Variants in ATG10 observed in about 807,000 individuals in gnomAD.
ATG10 encodes autophagy related 10, also known as ubiquitin-like-conjugating enzyme ATG10.
Under a neutral mutation model 32.1 loss-of-function variants are expected in ATG10, and 30 were observed. The observed-to-expected ratio is 0.94, with a 90% CI of 0.70 to 1.27. The LOEUF is 1.27. Among genes scored for constraint, ATG10 ranks in the 50% most tolerant of loss-of-function variants. The pLI, the probability that ATG10 is intolerant of heterozygous loss-of-function variation, is 0.00. For missense variants in ATG10, 233 were observed against 262.3 expected (o/e 0.89, Z 0.77); for synonymous variants, 87 against 91.5 (o/e 0.95, Z 0.28).
At chr5:82,165,548 G>A (rs912079398) in intron 4 of ATG10, among the ~76,000 whole-genome samples, 1 of 152,168 alleles carries the variant, frequency 6.6e-6, no homozygotes, top group African/African-American at 2.4e-5. Context: ...CTGGTGAGAA[G>A]ATTTTAATCT....
chr5:82,228,828 A>T (rs1026785455), intron 5 of ATG10, among the ~76,000 whole-genome samples: 5 of 152,228 alleles, frequency 3.3e-5, no homozygotes, highest in Non-Finnish European at 5.9e-5. Flanking sequence ...TAAAACACTG[A>T]TTTACAGGAG....
chr5:82,022,095 A>G (rs1015986835), intron 2 of ATG10, among the ~76,000 whole-genome samples: 2 of 150,200 alleles, frequency 1.3e-5, no homozygotes, highest in African/African-American at 4.9e-5. Flanking sequence ...AGGCTGAGGC[A>G]GGAGAATTAC....
At chr5:82,202,260 T>A (rs1221669689) in intron 5 of ATG10, among the ~76,000 whole-genome samples, 2 of 152,192 alleles carry the variant, frequency 1.3e-5, no homozygotes, top group African/African-American at 4.8e-5. Flanking sequence ...AAGGTATTTT[T>A]AAAATTAGAT....
intron 3 of ATG10, among the ~76,000 whole-genome samples, chr5:82,112,087 A>G (rs530714393): frequency 6.6e-6 from 1 of 152,042 alleles, no homozygotes; most frequent in South Asian, 2.1e-4. Flanking sequence ...AAGTAGTTAC[A>G]TATGTTGGGT....
At chr5:82,204,371 A>G (rs1745200072) in intron 5 of ATG10, among the ~76,000 whole-genome samples, 1 of 152,248 alleles carries the variant, frequency 6.6e-6, no homozygotes, top group African/African-American at 2.4e-5. Flanking sequence ...TATTACTTCC[A>G]TATTAGATGA....
At chr5:81,993,339 C>CT (rs1761526084) in intron 2 of ATG10, among the ~76,000 whole-genome samples, 1 of 34,796 alleles carries the variant, frequency 2.9e-5, no homozygotes, top group South Asian at 1.1e-3. Context: ...TTCCTTCCTT[C>CT]TTTCTTTCTT....
intron 4 of ATG10, among the ~76,000 whole-genome samples, chr5:82,173,188 A>G (rs979166316): frequency 2.0e-5 from 3 of 152,194 alleles, no homozygotes; most frequent in African/African-American, 4.8e-5. Flanking sequence ...ACCGTGCACA[A>G]TAAGGATAAA....
chr5:82,009,066 T>C (rs1192494244), intron 2 of ATG10, among the ~76,000 whole-genome samples: 2 of 152,208 alleles, frequency 1.3e-5, no homozygotes, highest in African/African-American at 2.4e-5. Flanking sequence ...AATGGCATAA[T>C]CTAAACGTGG....
At chr5:82,202,518 C>T (rs1745107426) in intron 5 of ATG10, among the ~76,000 whole-genome samples, 1 of 152,176 alleles carries the variant, frequency 6.6e-6, no homozygotes, top group South Asian at 2.1e-4. Context: ...TGTATCTATA[C>T]AGGGGTGAGC....
intron 2 of ATG10, among the ~76,000 whole-genome samples, chr5:82,014,040 G>A (rs1207623214): frequency 6.6e-6 from 1 of 152,128 alleles, no homozygotes; most frequent in Non-Finnish European, 1.5e-5. Flanking sequence ...CTTTGTTCTT[G>A]TTGGTTTCAA....
intron 3 of ATG10, among the ~76,000 whole-genome samples, chr5:82,092,673 CTG>C (rs1406089174): frequency 6.6e-6 from 1 of 152,184 alleles, no homozygotes; most frequent in Non-Finnish European, 1.5e-5. Context: ...AAGGCAGAAA[CTG>C]TGAGACTCCT....
chr5:81,977,773 A>C (rs1046141039), intron 1 of ATG10, among the ~76,000 whole-genome samples: 8 of 152,196 alleles, frequency 5.3e-5, no homozygotes, highest in Non-Finnish European at 5.9e-5. Flanking sequence ...CAGTTTTGCC[A>C]GGAAGTTTGA....
chr5:82,101,256 A>G (rs1765262105), intron 3 of ATG10, among the ~76,000 whole-genome samples: 1 of 152,164 alleles, frequency 6.6e-6, no homozygotes, highest in African/African-American at 2.4e-5. Flanking sequence ...TCCTTCATGT[A>G]TGATTATTTC....
intron 5 of ATG10, among the ~76,000 whole-genome samples, chr5:82,199,526 C>T (rs1178535623): frequency 1.3e-5 from 2 of 152,144 alleles, no homozygotes; most frequent in Admixed American, 1.3e-4. Context: ...GGGTAAATTA[C>T]CTAAAAACTA....
At chr5:82,112,461 A>G (rs756940259) in intron 3 of ATG10, among the ~76,000 whole-genome samples, 8 of 151,884 alleles carry the variant, frequency 5.3e-5, no homozygotes, top group South Asian at 2.1e-4. Flanking sequence ...TATTATTTGC[A>G]TAGAAAAATT....
At chr5:82,036,969 A>G (rs1762942334) in intron 2 of ATG10, among the ~76,000 whole-genome samples, 1 of 151,118 alleles carries the variant, frequency 6.6e-6, no homozygotes, top group Non-Finnish European at 1.5e-5. Context: ...CGTCTGTACT[A>G]AAAATACAAA....
chr5:82,254,949 TAAAACAAAGAAAA>T lies in ATG10; in HGVS notation c.*889_*901del, dbSNP rs1268232939. 1 of 151,844 alleles carries T rather than the reference TAAAACAAAGAAAA, an allele frequency of 6.6e-6. No individual in the cohort carries two copies. The highest frequency in any genetic ancestry group is 1.9e-4 in the East Asian group (1 of 5,164). The allele number at this position is 151,844 out of a possible 1,614,324, so 9.4% of individuals were successfully genotyped here. ...GTGTGGGTGTTTGTGTAGATAGTTGTAAAACAAAGAAAAAACACAATATTTTACTGTGAGATAA... is the reference window on the plus strand; with the variant it reads ...GTGTGGGTGTTTGTGTAGATAGTTGTAACACAATATTTTACTGTGAGATAA... On this transcript the variant is annotated 3_prime_UTR_variant, in exon 8 of 8. Transcript: ENST00000282185.
chr5:82,044,659 G>C (rs535338474), intron 2 of ATG10, among the ~76,000 whole-genome samples: 50 of 152,194 alleles, frequency 3.3e-4, no homozygotes, highest in African/African-American at 1.2e-3. Flanking sequence ...ACAGCGTTTA[G>C]ACTAGGTCTG....
intron 3 of ATG10, among the ~76,000 whole-genome samples, chr5:82,095,410 A>C (rs1310202766): frequency 6.6e-6 from 1 of 152,180 alleles, no homozygotes; most frequent in Non-Finnish European, 1.5e-5. Context: ...ATTTAAAAAA[A>C]TTGTTTTACA....
Sources: gnomAD v4.1 joint callset for allele counts (sites outside exome capture counted in the v4.1 genomes callset) on GRCh38, gnomAD v4.1.1 for gene constraint, MANE v1.5 for transcripts, NCBI Gene and HGNC (gene_info 2026-07-23, HGNC 2026-07-21) for gene names.